GLP2R: variants seen among roughly 807,000 people sequenced by gnomAD.
GLP2R encodes the protein glucagon like peptide 2 receptor.
GLP2R carries 59 observed loss-of-function variants against 68.2 expected under a neutral mutation model. The observed-to-expected ratio is 0.87, with a 90% CI of 0.70 to 1.07. The LOEUF (loss-of-function observed/expected upper bound fraction) is 1.07, where lower values mean the gene tolerates loss of function less well. Ranked by LOEUF, GLP2R falls within the 50% of genes least tolerant of loss-of-function variation. The probability of loss-of-function intolerance (pLI) is 0.00; values close to 1 mark genes in which losing one functional copy is unlikely to be tolerated. For missense variants in GLP2R, 548 were observed against 677.4 expected (o/e 0.81, Z 2.12); for synonymous variants, 270 against 265.4 (o/e 1.02, Z -0.17).
intron 10 of GLP2R, among the ~76,000 whole-genome samples, chr17:9,880,104 A>G (rs2067181820): frequency 6.6e-6 from 1 of 152,206 alleles, no homozygotes. Context: ...AAACTTTAAG[A>G]GCTACAGACA....
Position 9,833,837 on chromosome 17 carries a change from C to T in GLP2R, c.220C>T (p.Arg74Trp), listed in dbSNP as rs528639615. 35 of 1,613,228 alleles carry T rather than the reference C, an allele frequency of 2.2e-5. No individual in the cohort carries two copies. The highest frequency in any genetic ancestry group is 8.9e-5 in the East Asian group (4 of 44,876). ...VTGSLLEETT[R>W]KWAQYKQACL... ...AGGATCCCTCCTTGAGGAAACGACT[C>T]GGAAGTGGGCTCAGTACAAACAGGC... is the stretch of plus-strand genomic sequence containing the variant. The change falls in exon 2 of 13, where the codon CGG (arginine) becomes TGG (tryptophan). Residue 74 changes from arginine (R) to tryptophan (W), a missense_variant. Arg to Trp is a moderately radical substitution (Grantham distance 101, BLOSUM62 -3). Transcript: ENST00000262441.
At chr17:9,847,286 T>TG (rs2066848282) in intron 4 of GLP2R, among the ~76,000 whole-genome samples, 2 of 152,180 alleles carry the variant, frequency 1.3e-5, no homozygotes, top group South Asian at 4.1e-4. Flanking sequence ...TCTTTTTTTT[T>TG]GAAACGGAGT....
At position 9,860,214 on chromosome 17, in the gene GLP2R, T is replaced by A. The variant is rs778467616; in HGVS notation, c.925+113T>A. 7.0e-5 allele frequency: 69 copies of A among 991,028 alleles called. 1 individual carries two copies. Among genetic ancestry groups the A allele is most frequent in the Non-Finnish European group, 6.1e-5 (42 of 686,820 alleles). The allele number at this position is 991,028 out of a possible 1,614,324, so 61.4% of individuals were successfully genotyped here. On this transcript the variant is annotated intron_variant, in intron 7 of 12. Coordinates refer to ENST00000262441, the MANE Select transcript of GLP2R (RefSeq NM_004246.3). ...AACTGGAGGTTGCTTCTGGGACATA[T>A]AAGTCCTCAAAGACAGGGAGCTTTG...
chr17:9,891,949 G>A lies in GLP2R; in HGVS notation c.*2244G>A, dbSNP rs1331857732. 1 of 152,106 alleles carries A rather than the reference G, an allele frequency of 6.6e-6. No individual in the cohort carries two copies. The highest frequency in any genetic ancestry group is 2.4e-5 in the African/African-American group (1 of 41,394). 9.4% of individuals were successfully genotyped at this position (152,106 alleles called of 1,614,324 possible). ...CTCTCGGGAGCCTCGGATGCTGCTG[G>A]GAGTAAGTGATCCAGGACCTTACCG... On this transcript the variant is annotated 3_prime_UTR_variant, in exon 13 of 13. Coordinates refer to ENST00000262441, the MANE Select transcript of GLP2R (RefSeq NM_004246.3).
chr17:9,889,514 C>T lies in GLP2R; in HGVS notation c.1471C>T (p.Arg491Trp), dbSNP rs781304841. The T allele has an allele frequency of 2.1e-5, 34 of 1,614,232 alleles. No individual in the cohort carries two copies. The highest frequency in any genetic ancestry group is 2.0e-4 in the South Asian group (18 of 91,080). The change falls in exon 13 of 13, where the codon CGG becomes TGG. Residue 491 changes from arginine to tryptophan, a missense_variant. Transcript: ENST00000262441. ...GGAAGGAGATGGCGCTGAGAAGCTT[C>T]GGAAGCTGCAGCCCTCACTTAACAG... is the stretch of plus-strand genomic sequence containing the variant. ...LSEGDGAEKLRKLQPSLNSGR... is the reference protein window; with the variant it reads ...LSEGDGAEKLWKLQPSLNSGR...
intron 3 of GLP2R, among the ~76,000 whole-genome samples, chr17:9,840,065 C>T (rs534555212): frequency 6.6e-6 from 1 of 151,908 alleles, no homozygotes; most frequent in East Asian, 1.9e-4. Flanking sequence ...CAACCTCTGC[C>T]TCCTGGGCTC....
chr17:9,839,678 A>G (rs2152032764), intron 3 of GLP2R, among the ~76,000 whole-genome samples: 1 of 152,230 alleles, frequency 6.6e-6, no homozygotes, highest in Non-Finnish European at 1.5e-5. Flanking sequence ...CACGACTCCT[A>G]CAAATGGCAT....
At chr17:9,842,754 C>A in intron 4 of GLP2R, 138 bp downstream of exon 4, 1 of 884,300 alleles carries the variant, frequency 1.1e-6, no homozygotes, top group Non-Finnish European at 1.7e-6. Flanking sequence ...TAAGGAAGGT[C>A]CCGCAAAGCA....
At chr17:9,860,524 C>T (rs7220263) in intron 7 of GLP2R, among the ~76,000 whole-genome samples, 6,416 of 152,198 alleles carry the variant, frequency 0.042, 467 homozygotes, top group African/African-American at 0.14. Context: ...CTGCCTTCTT[C>T]CTGTATTCTC....
rs71139008 is a variant in GLP2R, at chr17:9,879,340, T to TAAA, written c.1146-1036_1146-1034dup. 1.8e-3 allele frequency among the ~76,000 whole-genome samples: 199 copies of TAAA among 109,240 alleles called. 5 individuals are homozygous for TAAA. Among genetic ancestry groups the TAAA allele is most frequent in the South Asian group, 4.2e-3 (12 of 2,840 alleles). 71.7% of individuals were successfully genotyped at this position (109,240 alleles called of 152,430 possible). On this transcript the variant is annotated intron_variant, in intron 10 of 12. Coordinates refer to ENST00000262441, the MANE Select transcript of GLP2R (RefSeq NM_004246.3). Reference sequence around the variant, plus strand: ...TAAAATAAAATAAAATAAAATAAAATAAAATAATTATCCAGGCACAGTTGT... The same window carrying TAAA: ...TAAAATAAAATAAAATAAAATAAAATAAAAAAATAATTATCCAGGCACAGTTGT...
intron 11 of GLP2R, among the ~76,000 whole-genome samples, chr17:9,880,844 T>C (rs371782371): frequency 1.4e-4 from 22 of 152,188 alleles, no homozygotes; most frequent in African/African-American, 5.3e-4. Flanking sequence ...CTGCAGAGCA[T>C]TGTGCAAAGT....
At chr17:9,852,058 T>G (rs2066896500) in intron 4 of GLP2R, among the ~76,000 whole-genome samples, 1 of 121,698 alleles carries the variant, frequency 8.2e-6, no homozygotes, top group Non-Finnish European at 1.6e-5. Flanking sequence ...GTTTTTTTTT[T>G]TGTTTTTTTT....
At chr17:9,848,886 TGTGTGTGTGC>T (rs947366413) in intron 4 of GLP2R, among the ~76,000 whole-genome samples, 11 of 145,462 alleles carry the variant, frequency 7.6e-5, no homozygotes, top group African/African-American at 2.5e-4. Flanking sequence ...TGTGTGTGTG[TGTGTGTGTGC>T]GCTCACATAA....
chr17:9,844,668 CTTTTTTTTTTTTTTTTTTTTTTTT>C (rs71139004), intron 4 of GLP2R, among the ~76,000 whole-genome samples: 8 of 44,276 alleles, frequency 1.8e-4, no homozygotes, highest in Non-Finnish European at 3.3e-4. Context: ...CTACCTAATT[CTTTTTTTTTTTTTTTTTTTTTTTT>C]TTTTTTTTTT....
In GLP2R at chr17:9,889,810, T is replaced by C; in HGVS notation, c.*105T>C. ...TTGCTGGGCACGGAATCATTCTCGT[T>C]CCATTCACCATGCCACTTTGATATG... On this transcript the variant is annotated 3_prime_UTR_variant, in exon 13 of 13. Coordinates refer to ENST00000262441, the MANE Select transcript of GLP2R (RefSeq NM_004246.3). 1.4e-6 allele frequency: 1 copy of C among 692,262 alleles called. No individual in the cohort carries two copies. The highest frequency in any genetic ancestry group is 2.4e-6 in the Non-Finnish European group (1 of 413,072). The allele number at this position is 692,262 out of a possible 1,614,324, so 42.9% of individuals were successfully genotyped here.
intron 10 of GLP2R, 74 bp downstream of exon 10, chr17:9,870,909 G>C (rs1328805771): frequency 2.6e-6 from 2 of 772,514 alleles, no homozygotes; most frequent in East Asian, 4.9e-5. Context: ...CCGCTGTCTT[G>C]GGAAGGACAT....
intron 3 of GLP2R, among the ~76,000 whole-genome samples, chr17:9,838,561 T>A: frequency 6.6e-6 from 1 of 151,990 alleles, no homozygotes; most frequent in East Asian, 1.9e-4. Flanking sequence ...AAAACACAGA[T>A]CCATTCCACT....
At chr17:9,868,651 A>C (rs1310352630) in intron 9 of GLP2R, among the ~76,000 whole-genome samples, 1 of 152,148 alleles carries the variant, frequency 6.6e-6, no homozygotes, top group Non-Finnish European at 1.5e-5. Flanking sequence ...CAGAGGCTTC[A>C]TGGTACCCCC....
At chr17:9,873,325 C>A (rs891580130) in intron 10 of GLP2R, among the ~76,000 whole-genome samples, 1 of 152,152 alleles carries the variant, frequency 6.6e-6, no homozygotes, top group East Asian at 1.9e-4. Context: ...GCCACTGGCA[C>A]CTTCGCCATG....
Sources: allele counts gnomAD v4.1 joint callset (sites outside exome capture counted in the v4.1 genomes callset), GRCh38; gene constraint gnomAD v4.1.1; transcripts MANE v1.5; gene names NCBI Gene and HGNC (gene_info 2026-07-23, HGNC 2026-07-21).